The following TRIM49 variants were observed in gnomAD, a reference collection of about 807,000 sequenced individuals.
The protein encoded by TRIM49 is tripartite motif-containing protein 49.
A neutral mutation model predicts 27.4 loss-of-function variants in TRIM49; 5 were observed. The ratio of observed to expected loss-of-function variants is 0.18; its 90% CI spans 0.10 to 0.38. The LOEUF (loss-of-function observed/expected upper bound fraction) is 0.38, where lower values mean the gene tolerates loss of function less well. Among genes scored for constraint, TRIM49 ranks in the 10% least tolerant of loss-of-function variants. TRIM49 has a pLI of 1.00. For missense variants in TRIM49, 188 were observed against 487.5 expected (o/e 0.39, Z 5.79); for synonymous variants, 69 against 166.0 (o/e 0.42, Z 4.49).
the TRIM49 span, chr11:89,782,019 G>A: frequency 6.6e-7 from 1 of 1,525,908 alleles, no homozygotes; most frequent in Non-Finnish European, 8.8e-7. Context: ...GCTGTGTGGG[G>A]AGCACAAGCA....
the TRIM49 span, among the ~76,000 whole-genome samples, chr11:89,785,519 CAT>C: frequency 7.1e-6 from 1 of 140,272 alleles, no homozygotes; most frequent in Non-Finnish European, 1.5e-5. Context: ...AGTCTCAAAA[CAT>C]AAAGTGTTCT....
chr11:89,798,667 G>C, intron 7 of TRIM49, 38 bp from the exon 8 acceptor site: 1 of 1,465,504 alleles, frequency 6.8e-7, no homozygotes, highest in Non-Finnish European at 8.9e-7. Context: ...GCATAGACAT[G>C]TGTAAATAAG....
chr11:89,803,764 C>G lies in TRIM49; in HGVS notation c.441G>C (p.Leu147Phe). Residue 147 changes from leucine to phenylalanine, a missense_variant, in exon 4 of 8, where the codon TTG becomes TTC. By Grantham distance (22) the Leu-to-Phe change is conservative (BLOSUM62 0). Transcript: ENST00000329758. Reference sequence around the variant, plus strand: ...TGTGATTTTCACAAGCTTTTTCCCACAAAGACTGCATTTTCTGTAAAAGCT... The same window carrying G: ...TGTGATTTTCACAAGCTTTTTCCCAGAAAGACTGCATTTTCTGTAAAAGCT... ...REKLLQKMQS[L>F]WEKACENHRN... 1.4e-6 allele frequency: 2 copies of G among 1,414,574 alleles called. No individual in the cohort carries two copies. Among genetic ancestry groups the G allele is most frequent in the Non-Finnish European group, 1.9e-6 (2 of 1,048,606 alleles). 87.6% of individuals were successfully genotyped at this position (1,414,574 alleles called of 1,614,324 possible). A position where few individuals can be genotyped will look rare whatever the true frequency, so the allele number is the denominator to read the frequency against.
the TRIM49 span, among the ~76,000 whole-genome samples, chr11:89,790,624 T>C: frequency 6.6e-6 from 1 of 151,946 alleles, no homozygotes; most frequent in Non-Finnish European, 1.5e-5. Flanking sequence ...CTGCTGCTGA[T>C]ACCCAGGCAA....
intron 2 of TRIM49, among the ~76,000 whole-genome samples, chr11:89,806,057 C>T (rs1037441837): frequency 2.0e-5 from 3 of 150,278 alleles, no homozygotes; most frequent in African/African-American, 7.5e-5. Context: ...GAATATACCA[C>T]ACAAATCTAG....
the TRIM49 span, chr11:89,777,405 G>C: frequency 6.5e-7 from 1 of 1,539,118 alleles, no homozygotes; most frequent in Non-Finnish European, 8.7e-7. Context: ...TGCCTCTAAG[G>C]CAGTTTGAAT....
At chr11:89,768,262 C>A in the TRIM49 span, 2 of 1,502,250 alleles carry the variant, frequency 1.3e-6, no homozygotes, top group African/African-American at 1.8e-5. Flanking sequence ...CAGGCTGGGG[C>A]ATGTGCAGCA....
At chr11:89,788,123 GT>G in the TRIM49 span, among the ~76,000 whole-genome samples, 15,383 of 100,328 alleles carry the variant, frequency 0.15, 27 homozygotes, top group East Asian at 0.28. Context: ...GCTCATGCCT[GT>G]AATCCCAGCA....
At chr11:89,806,089 A>G (rs1217077141) in intron 2 of TRIM49, among the ~76,000 whole-genome samples, 1 of 149,768 alleles carries the variant, frequency 6.7e-6, no homozygotes, top group Non-Finnish European at 1.5e-5. Context: ...TACTACACCT[A>G]TGGTATACAC....
the TRIM49 span, among the ~76,000 whole-genome samples, chr11:89,785,595 T>A: frequency 6.8e-4 from 98 of 144,786 alleles, 2 homozygotes; most frequent in African/African-American, 2.4e-3. Flanking sequence ...AATTAGACTT[T>A]ATTATGTGAA....
downstream of TRIM49, among the ~76,000 whole-genome samples, chr11:89,792,746 T>A (rs1453451816): frequency 1.3e-5 from 2 of 151,720 alleles, no homozygotes; most frequent in Non-Finnish European, 2.9e-5. Context: ...TTTAAAGCAG[T>A]GTGTGGAGGG....
the TRIM49 span, among the ~76,000 whole-genome samples, chr11:89,785,621 T>C: frequency 3.4e-5 from 5 of 145,356 alleles, 1 homozygote; most frequent in Admixed American, 1.3e-4. Flanking sequence ...TTTTCTAAAA[T>C]TCTTCCATAA....
downstream of TRIM49, among the ~76,000 whole-genome samples, chr11:89,797,172 C>T (rs1322636782): frequency 2.0e-5 from 3 of 150,892 alleles, no homozygotes; most frequent in Non-Finnish European, 3.0e-5. Flanking sequence ...TTTATGTATC[C>T]AATTCTGTAA....
chr11:89,804,865 G>A (rs12574527), intron 2 of TRIM49, among the ~76,000 whole-genome samples: 58 of 151,312 alleles, frequency 3.8e-4, no homozygotes, highest in African/African-American at 1.2e-3. Context: ...AAAACTACCC[G>A]GGCCAAAGAA....
downstream of TRIM49, among the ~76,000 whole-genome samples, chr11:89,793,568 G>GAGACTATTCATAGCAGATT (rs1591510287): frequency 1.1e-4 from 17 of 150,542 alleles, no homozygotes; most frequent in East Asian, 2.3e-3. Context: ...GGGATCCAAG[G>GAGACTATTCATAGCAGATT]CTGGTTCAAC....
Position 89,798,304 on chromosome 11 carries a change from G to A in TRIM49, c.1185C>T (p.Ser395=). The change falls in exon 8 of 8, where the codon TCC becomes TCT. Residue 395 remains serine, a synonymous_variant. Coordinates refer to ENST00000329758, the MANE Select transcript of TRIM49 (RefSeq NM_020358.2). Reference sequence around the variant, plus strand: ...TTGGGATATATTGCAGCATAAGTGGGGAGGTGGTAAAGAGACTGCATTGAA... The same window carrying A: ...TTGGGATATATTGCAGCATAAGTGGAGAGGTGGTAAAGAGACTGCATTGAA... The part of the protein sequence containing the change: ...NDIQCSLFTT[S]PLMLQYIPKP... 1 of 1,575,030 alleles carries A rather than the reference G, an allele frequency of 6.3e-7. No individual in the cohort carries two copies. The highest frequency in any genetic ancestry group is 8.6e-7 in the Non-Finnish European group (1 of 1,165,332).
rs1757469786 is a variant in TRIM49 at position 89,808,499 on chromosome 11, T to A, written c.-253A>T. The A allele has an allele frequency of 6.6e-6, 1 of 150,844 alleles. No individual in the cohort carries two copies. The highest frequency in any genetic ancestry group is 1.9e-4 in the East Asian group (1 of 5,166). 9.3% of individuals were successfully genotyped at this position (150,844 alleles called of 1,614,324 possible). On this transcript the variant is annotated 5_prime_UTR_variant, in exon 1 of 8. Coordinates refer to ENST00000329758, the MANE Select transcript of TRIM49 (RefSeq NM_020358.2). ...GGGTACAGTCCATCAGGAAAAGAAA[T>A]CCCCCGCTGGCTGGATCCCAGTGGT... is the stretch of plus-strand genomic sequence containing the variant.
intron 6 of TRIM49, among the ~76,000 whole-genome samples, chr11:89,800,645 A>C (rs1257291730): frequency 5.3e-5 from 8 of 150,162 alleles, no homozygotes; most frequent in African/African-American, 1.7e-4. Context: ...CGGGAGGCTG[A>C]GGCAGGGGAA....
the TRIM49 span, among the ~76,000 whole-genome samples, chr11:89,785,224 G>GTGAA: frequency 4.4e-4 from 52 of 119,470 alleles, 1 homozygote; most frequent in African/African-American, 2.0e-3. Context: ...CTCTGCCTCA[G>GTGAA]TGAATAAATA....
Sources: gnomAD v4.1 joint callset for allele counts (sites outside exome capture counted in the v4.1 genomes callset) on GRCh38, gnomAD v4.1.1 for gene constraint, MANE v1.5 for transcripts, NCBI Gene and HGNC (gene_info 2026-07-23, HGNC 2026-07-21) for gene names.